NRXN3: variants seen among roughly 807,000 people sequenced by gnomAD.
NRXN3 encodes neurexin III.
Under a neutral mutation model 137.6 loss-of-function variants are expected in NRXN3, and 32 were observed. That is an observed-to-expected ratio of 0.23 (90% confidence interval 0.18 to 0.31). The LOEUF is 0.31. Ranked by LOEUF, NRXN3 falls within the 10% of genes least tolerant of loss-of-function variation. The pLI is 1.00. For synonymous variants in NRXN3, 798 were observed against 784.5 expected (o/e 1.02, Z -0.29); for missense variants, 1,574 against 2,062.5 (o/e 0.76, Z 4.59).
intron 2 of NRXN3, among the ~76,000 whole-genome samples, chr14:78,252,939 C>A (rs774474616): frequency 2.6e-5 from 4 of 152,188 alleles, no homozygotes; most frequent in Non-Finnish European, 5.9e-5. Flanking sequence ...TGGGAGTTTA[C>A]CACACACTCA....
intron 4 of NRXN3, among the ~76,000 whole-genome samples, chr14:78,632,040 G>T (rs113016981): frequency 0.12 from 18,233 of 151,426 alleles, 1,828 homozygotes; most frequent in African/African-American, 0.27. Context: ...TGTGAACCCA[G>T]GAGGCGGAGC....
intron 15 of NRXN3, among the ~76,000 whole-genome samples, chr14:79,089,276 A>G (rs558671337): frequency 6.6e-6 from 1 of 152,312 alleles, no homozygotes; most frequent in East Asian, 1.9e-4. Context: ...ATACCAAATA[A>G]GTGAAACGTA....
Position 78,466,345 on chromosome 14 carries a change from C to A in NRXN3, c.757+168485C>A, listed in dbSNP as rs142004986. Reference sequence around the variant, plus strand: ...TAAAATCAGTGTCTGAGTGTCTGTACAAAGGGATAAGGATGGAGTTTTGAT... The same window carrying A: ...TAAAATCAGTGTCTGAGTGTCTGTAAAAAGGGATAAGGATGGAGTTTTGAT... On this transcript the variant is annotated intron_variant, in intron 4 of 20. Coordinates refer to ENST00000335750, the MANE Select transcript of NRXN3 (RefSeq NM_001330195.2). 1.5e-3 allele frequency among the ~76,000 whole-genome samples: 225 copies of A among 152,250 alleles called. 2 individuals are homozygous for A. Among genetic ancestry groups the A allele is most frequent in the African/African-American group, 5.3e-3 (222 of 41,534 alleles).
chr14:79,220,025 A>G (rs1214485022), intron 15 of NRXN3, among the ~76,000 whole-genome samples: 1 of 152,188 alleles, frequency 6.6e-6, no homozygotes, highest in Non-Finnish European at 1.5e-5. Context: ...TGAGTTTATA[A>G]TTATGGCAAT....
chr14:79,841,288 G>T (rs977951205), intron 20 of NRXN3, among the ~76,000 whole-genome samples: 25 of 152,128 alleles, frequency 1.6e-4, no homozygotes, highest in Admixed American at 3.3e-4. Flanking sequence ...GGTAAAAGAG[G>T]ATGTTTGCAA....
At chr14:79,446,552 T>C (rs960865668) in intron 15 of NRXN3, among the ~76,000 whole-genome samples, 2 of 152,118 alleles carry the variant, frequency 1.3e-5, no homozygotes, top group Admixed American at 1.3e-4. Flanking sequence ...AATTTAGACA[T>C]CATTTAGCCA....
In NRXN3 at chr14:79,117,625, C is replaced by T. The variant is rs145426902; in HGVS notation, c.3262+129484C>T. On this transcript the variant is annotated intron_variant, in intron 15 of 20. Coordinates refer to ENST00000335750, the MANE Select transcript of NRXN3 (RefSeq NM_001330195.2). ...TTAAGGCAGCACAGACAAGTGTGATCGGTAGAAGTCATGGTGAGTGGGAGT... is the reference window on the plus strand; with the variant it reads ...TTAAGGCAGCACAGACAAGTGTGATTGGTAGAAGTCATGGTGAGTGGGAGT... Among the ~76,000 whole-genome samples, 130 of 152,112 alleles carry T rather than the reference C, an allele frequency of 8.5e-4. 1 individual carries two copies. Among genetic ancestry groups the T allele is most frequent in the African/African-American group, 2.2e-3 (92 of 41,498 alleles).
At chr14:79,295,894 A>C (rs2084018377) in intron 15 of NRXN3, among the ~76,000 whole-genome samples, 1 of 152,110 alleles carries the variant, frequency 6.6e-6, no homozygotes, top group Non-Finnish European at 1.5e-5. Context: ...TTTTTTCGCT[A>C]TAGAAGTTTT....
At chr14:79,679,241 T>TAC (rs979531516) in intron 17 of NRXN3, among the ~76,000 whole-genome samples, 9 of 152,252 alleles carry the variant, frequency 5.9e-5, no homozygotes, top group African/African-American at 2.2e-4. Flanking sequence ...AATCTCTCTA[T>TAC]ACACACACAC....
At chr14:79,400,759 G>A (rs113828826) in intron 15 of NRXN3, among the ~76,000 whole-genome samples, 6 of 152,248 alleles carry the variant, frequency 3.9e-5, no homozygotes, top group East Asian at 1.9e-4. Flanking sequence ...GCAGAGAACC[G>A]CAGAAATTAA....
rs1422842626 is a variant in NRXN3, at chr14:79,376,210, G to GTA, written c.3263-91009_3263-91008dup. The stretch of plus-strand genomic sequence containing the variant: ...TATACATGTGGGTGTGTGTGTGTGT[G>GTA]TATGTATATATATATATATATATAT... On this transcript the variant is annotated intron_variant, in intron 15 of 20. Coordinates refer to ENST00000335750, the MANE Select transcript of NRXN3 (RefSeq NM_001330195.2). 5.1e-4 allele frequency among the ~76,000 whole-genome samples: 21 copies of GTA among 40,788 alleles called. 1 individual carries two copies. The highest frequency in any genetic ancestry group is 1.8e-3 in the African/African-American group (20 of 11,064). The allele number at this position is 40,788 out of a possible 152,430, so 26.8% of individuals were successfully genotyped here.
At position 78,352,189 on chromosome 14, in the gene NRXN3, T is replaced by A. The variant is rs538281574; in HGVS notation, c.757+54329T>A. 8.5e-5 allele frequency among the ~76,000 whole-genome samples: 13 copies of A among 152,302 alleles called. No homozygotes were observed. In the East Asian group the frequency reaches 2.3e-3, roughly 27 times the overall value. On this transcript the variant is annotated intron_variant, in intron 4 of 20. Coordinates refer to ENST00000335750, the MANE Select transcript of NRXN3 (RefSeq NM_001330195.2). ...CCATTAGGTCTCTAGTGCAGCAGAA[T>A]ATATTTTTGTGTGTGGTGCAAGAAG...
intron 17 of NRXN3, among the ~76,000 whole-genome samples, chr14:79,674,774 A>G (rs557116184): frequency 6.6e-6 from 1 of 152,234 alleles, no homozygotes; most frequent in South Asian, 2.1e-4. Flanking sequence ...CCTGATGCAC[A>G]ATTGCCAGCC....
At chr14:79,627,688 C>T in intron 16 of NRXN3, among the ~76,000 whole-genome samples, 1 of 152,170 alleles carries the variant, frequency 6.6e-6, no homozygotes. Flanking sequence ...GGCTGTGTGA[C>T]ACTGGGTATG....
At chr14:78,219,162 G>GA (rs1354248920) in intron 1 of NRXN3, among the ~76,000 whole-genome samples, 6 of 151,880 alleles carry the variant, frequency 4.0e-5, no homozygotes, top group Non-Finnish European at 7.4e-5. Context: ...GGTGGGAGGG[G>GA]GGATGCAGTT....
intron 15 of NRXN3, among the ~76,000 whole-genome samples, chr14:79,085,669 G>A (rs1366458554): frequency 6.6e-6 from 1 of 152,094 alleles, no homozygotes; most frequent in East Asian, 1.9e-4. Flanking sequence ...CTACCCAAGG[G>A]AAAGGAAGCA....
intron 4 of NRXN3, among the ~76,000 whole-genome samples, chr14:78,578,653 G>T (rs1033105724): frequency 8.5e-5 from 13 of 152,300 alleles, no homozygotes; most frequent in Middle Eastern, 6.8e-3. Flanking sequence ...GGAGAGTCCT[G>T]GACCTGGAGA....
chr14:79,561,284 AG>A (rs1453060348), intron 16 of NRXN3, among the ~76,000 whole-genome samples: 7 of 152,282 alleles, frequency 4.6e-5, no homozygotes, highest in African/African-American at 1.7e-4. Context: ...AAGAGATGTC[AG>A]AAAGAGAGAA....
At chr14:79,367,231 C>A (rs1030480391) in intron 15 of NRXN3, among the ~76,000 whole-genome samples, 1 of 152,180 alleles carries the variant, frequency 6.6e-6, no homozygotes, top group Non-Finnish European at 1.5e-5. Flanking sequence ...GATCCACCAG[C>A]CTCAGCCTCC....
Sources: allele counts gnomAD v4.1 joint callset (sites outside exome capture counted in the v4.1 genomes callset), GRCh38; gene constraint gnomAD v4.1.1; transcripts MANE v1.5; gene names NCBI Gene and HGNC (gene_info 2026-07-23, HGNC 2026-07-21).